CUL3: variants seen among roughly 807,000 people sequenced by gnomAD.
The protein encoded by CUL3 is cullin 3, also known as cullin-3.
CUL3 carries 19 observed loss-of-function variants against 89.1 expected under a neutral mutation model. That is an observed-to-expected ratio of 0.21 (90% confidence interval 0.15 to 0.31). The LOEUF is 0.31. Among genes scored for constraint, CUL3 ranks in the 10% least tolerant of loss-of-function variants. The pLI is 1.00. For missense variants in CUL3, 469 were observed against 942.3 expected (o/e 0.50, Z 6.58); for synonymous variants, 351 against 308.4 (o/e 1.14, Z -1.45).
intron 6 of CUL3, among the ~76,000 whole-genome samples, chr2:224,510,507 T>C (rs1224812876): frequency 1.3e-5 from 2 of 152,096 alleles, no homozygotes; most frequent in African/African-American, 4.8e-5. Flanking sequence ...ACATAGCTCA[T>C]GACCCCAACA....
intron 3 of CUL3, among the ~76,000 whole-genome samples, chr2:224,522,377 T>C (rs1693301381): frequency 1.3e-5 from 2 of 152,046 alleles, no homozygotes. Context: ...ATACTTTCCA[T>C]GATACCAGTA....
intron 3 of CUL3, among the ~76,000 whole-genome samples, chr2:224,530,782 C>T (rs1033853271): frequency 6.6e-6 from 1 of 152,126 alleles, no homozygotes; most frequent in African/African-American, 2.4e-5. Flanking sequence ...TGGCATGCAC[C>T]TGTAGTCCTA....
intron 2 of CUL3, among the ~76,000 whole-genome samples, chr2:224,540,886 C>G (rs986819486): frequency 6.6e-6 from 1 of 152,120 alleles, no homozygotes; most frequent in Non-Finnish European, 1.5e-5. Flanking sequence ...TCAGCTCCCA[C>G]TTATGAGTGA....
At chr2:224,499,508 C>T (rs982092198) in intron 11 of CUL3, 12 of 234,074 alleles carry the variant, frequency 5.1e-5, no homozygotes, top group Admixed American at 4.1e-4. Context: ...TTGAGGTTAA[C>T]AGTTCACCAG....
intron 2 of CUL3, among the ~76,000 whole-genome samples, chr2:224,546,211 C>T (rs907347211): frequency 6.6e-6 from 1 of 152,092 alleles, no homozygotes; most frequent in Non-Finnish European, 1.5e-5. Flanking sequence ...GTAACAGGCA[C>T]ACTGACAGAA....
intron 5 of CUL3, among the ~76,000 whole-genome samples, chr2:224,513,117 A>G (rs984988927): frequency 2.0e-5 from 3 of 152,256 alleles, no homozygotes; most frequent in South Asian, 2.1e-4. Context: ...TTGTAAGAGT[A>G]CAATATGCAA....
At chr2:224,565,895 T>G (rs2106316205) in intron 1 of CUL3, among the ~76,000 whole-genome samples, 1 of 152,314 alleles carries the variant, frequency 6.6e-6, no homozygotes, top group African/African-American at 2.4e-5. Flanking sequence ...AATGTATCAT[T>G]TCAGGCTAGA....
chr2:224,515,700 T>C (rs1268358015), intron 3 of CUL3, among the ~76,000 whole-genome samples: 2 of 151,920 alleles, frequency 1.3e-5, no homozygotes, highest in African/African-American at 2.4e-5. Context: ...CCAAACTTTT[T>C]TTTTTTTTTG....
intron 5 of CUL3, among the ~76,000 whole-genome samples, chr2:224,512,876 T>C (rs567519467): frequency 4.6e-5 from 7 of 152,296 alleles, no homozygotes; most frequent in East Asian, 3.9e-4. Flanking sequence ...CAGTTGACCC[T>C]TGAACAACAC....
intron 8 of CUL3, chr2:224,505,607 C>CT (rs535349689): frequency 3.9e-4 from 60 of 155,422 alleles, no homozygotes; most frequent in Admixed American, 1.6e-3. Flanking sequence ...TTTCTTTTTT[C>CT]TTTTTTTTTG....
At chr2:224,537,618 A>G (rs1268804546) in intron 2 of CUL3, among the ~76,000 whole-genome samples, 6 of 152,174 alleles carry the variant, frequency 3.9e-5, no homozygotes, top group Non-Finnish European at 8.8e-5. Flanking sequence ...ATTTTACACC[A>G]AGCTTCATAT....
At chr2:224,579,543 G>C (rs1157476951) in intron 1 of CUL3, among the ~76,000 whole-genome samples, 1 of 151,916 alleles carries the variant, frequency 6.6e-6, no homozygotes, top group Non-Finnish European at 1.5e-5. Context: ...CTGTTCTTAA[G>C]TATATCACAA....
At chr2:224,573,279 T>G (rs1226585894) in intron 1 of CUL3, among the ~76,000 whole-genome samples, 1 of 152,146 alleles carries the variant, frequency 6.6e-6, no homozygotes, top group Non-Finnish European at 1.5e-5. Context: ...AAATTTCTAT[T>G]AACCAAATTT....
At chr2:224,540,224 T>C (rs1574673081) in intron 2 of CUL3, among the ~76,000 whole-genome samples, 1 of 152,100 alleles carries the variant, frequency 6.6e-6, no homozygotes, top group East Asian at 1.9e-4. Context: ...ACCTGGCTAA[T>C]TTTTGTATTT....
intron 9 of CUL3, 55 bp downstream of exon 9, chr2:224,503,597 C>A: frequency 7.3e-7 from 1 of 1,373,234 alleles, no homozygotes; most frequent in African/African-American, 1.4e-5. Context: ...TGTCAGTACA[C>A]AATCATAATA....
At chr2:224,486,791 A>G (rs1184505724) in intron 13 of CUL3, among the ~76,000 whole-genome samples, 2 of 152,180 alleles carry the variant, frequency 1.3e-5, no homozygotes, top group Middle Eastern at 3.2e-3. Context: ...TTCCTCCAGA[A>G]GAGCAACCCC....
intron 7 of CUL3, among the ~76,000 whole-genome samples, chr2:224,506,619 T>TTTA (rs1205609794): frequency 2.0e-5 from 3 of 152,198 alleles, no homozygotes; most frequent in Non-Finnish European, 4.4e-5. Flanking sequence ...ATTGAGGCTA[T>TTTA]TTAAACAAGG....
intron 1 of CUL3, among the ~76,000 whole-genome samples, chr2:224,563,747 C>A (rs1694972150): frequency 6.6e-6 from 1 of 152,026 alleles, no homozygotes; most frequent in Non-Finnish European, 1.5e-5. Context: ...TGTTACACAC[C>A]CCACACCCAT....
intron 2 of CUL3, among the ~76,000 whole-genome samples, chr2:224,555,326 A>G (rs1319719044): frequency 6.6e-6 from 1 of 152,136 alleles, no homozygotes; most frequent in Non-Finnish European, 1.5e-5. Context: ...TCTAGACTTA[A>G]GTTTAGAATT....
Sources: gnomAD v4.1 joint callset for allele counts (sites outside exome capture counted in the v4.1 genomes callset) on GRCh38, gnomAD v4.1.1 for gene constraint, MANE v1.5 for transcripts, NCBI Gene and HGNC (gene_info 2026-07-23, HGNC 2026-07-21) for gene names.